Variants in FAM227B observed in about 807,000 individuals in gnomAD.
The protein encoded by FAM227B is protein FAM227B.
Under a neutral mutation model 73.8 loss-of-function variants are expected in FAM227B, and 88 were observed. The observed-to-expected ratio is 1.19, with a 90% CI of 1.00 to 1.42. FAM227B has a LOEUF of 1.42. FAM227B is among the 40% of genes most tolerant of loss of function. The pLI, the probability that FAM227B is intolerant of heterozygous loss-of-function variation, is 0.00. For missense variants in FAM227B, 632 were observed against 590.9 expected (o/e 1.07, Z -0.72); for synonymous variants, 210 against 190.5 (o/e 1.10, Z -0.84).
In FAM227B at chr15:49,328,280, C is replaced by T; in HGVS notation, c.*288G>A. ...TTATGATGAACGGTTGCTATTATAT[C>T]AAGATATATTTTCAAAGAAATGGTT... On this transcript the variant is annotated 3_prime_UTR_variant, in exon 16 of 16. Transcript: ENST00000299338. 3 of 1,442,056 alleles carry T rather than the reference C, an allele frequency of 2.1e-6. No homozygotes were observed. Among genetic ancestry groups the T allele is most frequent in the Non-Finnish European group, 2.7e-6 (3 of 1,098,800 alleles). 89.3% of individuals were successfully genotyped at this position (1,442,056 alleles called of 1,614,324 possible).
rs191759740 is a variant in FAM227B at position 49,369,208 on chromosome 15, C to T, written c.1111-1600G>A. ...TCCTGACCTCGAGATCCGCCCACCT[C>T]GGCCTCCCAAAGTGCTGGGATTACA... On this transcript the variant is annotated intron_variant, in intron 12 of 15. Transcript: ENST00000299338. Among the ~76,000 whole-genome samples, 65 of 152,208 alleles carry T rather than the reference C, an allele frequency of 4.3e-4. 3 individuals are homozygous for T. The East Asian group carries it at 0.012, about 29-fold the overall frequency.
rs117484677 is a variant in FAM227B, at chr15:49,592,214, G to A, written c.106-2207C>T. Among the ~76,000 whole-genome samples, 321 of 152,246 alleles carry A rather than the reference G, an allele frequency of 2.1e-3. 10 individuals carry two copies. In the East Asian group the frequency reaches 0.056, roughly 27 times the overall value. On this transcript the variant is annotated intron_variant, in intron 3 of 15. Transcript: ENST00000299338. ...TCTGTCCAGCTTTGTTCCATTGCTG[G>A]CAAGGGGCTGAGATCCTTTGGAGAA...
chr15:49,495,317 C>T (rs1023011099), intron 11 of FAM227B, among the ~76,000 whole-genome samples: 4 of 152,132 alleles, frequency 2.6e-5, no homozygotes, highest in Admixed American at 2.6e-4. Flanking sequence ...TACATATTCT[C>T]CAAATAATGA....
At chr15:49,527,220 A>C (rs1293210898) in intron 10 of FAM227B, among the ~76,000 whole-genome samples, 1 of 152,100 alleles carries the variant, frequency 6.6e-6, no homozygotes, top group Non-Finnish European at 1.5e-5. Flanking sequence ...CCAGGGATGT[A>C]AGGATGGCTC....
chr15:49,550,740 C>T (rs1421868207), intron 9 of FAM227B, among the ~76,000 whole-genome samples: 14 of 151,552 alleles, frequency 9.2e-5, no homozygotes, highest in East Asian at 3.9e-4. Context: ...CGGGAAGAGG[C>T]GCTCGTCACT....
chr15:49,377,640 G>T (rs996187602), intron 11 of FAM227B, among the ~76,000 whole-genome samples: 1 of 152,076 alleles, frequency 6.6e-6, no homozygotes, highest in African/African-American at 2.4e-5. Flanking sequence ...ATGCCTGTTT[G>T]CCATTTGTAC....
chr15:49,537,738 T>G (rs1048398966), intron 10 of FAM227B, among the ~76,000 whole-genome samples: 2 of 152,128 alleles, frequency 1.3e-5, no homozygotes, highest in African/African-American at 4.8e-5. Context: ...TTCAGCATTT[T>G]AAAAAAGGAG....
chr15:49,557,793 G>T (rs1175766156), intron 9 of FAM227B, among the ~76,000 whole-genome samples: 1 of 152,208 alleles, frequency 6.6e-6, no homozygotes, highest in Non-Finnish European at 1.5e-5. Flanking sequence ...AGATTGAGAT[G>T]GAGAGCCACC....
chr15:49,471,688 A>G (rs2151968079), intron 11 of FAM227B, among the ~76,000 whole-genome samples: 1 of 152,188 alleles, frequency 6.6e-6, no homozygotes, highest in Non-Finnish European at 1.5e-5. Context: ...GAGTGACAAC[A>G]GCATCTCATG....
chr15:49,357,957 C>T (rs1409560503), intron 13 of FAM227B, among the ~76,000 whole-genome samples: 1 of 151,868 alleles, frequency 6.6e-6, no homozygotes, highest in Non-Finnish European at 1.5e-5. Flanking sequence ...AAATGTAATC[C>T]AGCATATAAA....
At chr15:49,409,744 C>G (rs2048752290) in intron 11 of FAM227B, among the ~76,000 whole-genome samples, 2 of 152,022 alleles carry the variant, frequency 1.3e-5, no homozygotes, top group African/African-American at 4.8e-5. Flanking sequence ...ACTTCTTTCC[C>G]TGTTCTGGCA....
chr15:49,571,874 ATC>A, intron 8 of FAM227B, among the ~76,000 whole-genome samples: 1 of 152,016 alleles, frequency 6.6e-6, no homozygotes, highest in South Asian at 2.1e-4. Flanking sequence ...GTTTTCTTCT[ATC>A]TCTGTTTAAA....
intron 9 of FAM227B, among the ~76,000 whole-genome samples, chr15:49,543,302 A>T (rs2071345042): frequency 6.6e-6 from 1 of 152,006 alleles, no homozygotes; most frequent in Non-Finnish European, 1.5e-5. Flanking sequence ...CCATTTGTAT[A>T]TCTTCTTTTG....
At chr15:49,373,837 T>C (rs1367150753) in intron 11 of FAM227B, among the ~76,000 whole-genome samples, 1 of 151,714 alleles carries the variant, frequency 6.6e-6, no homozygotes, top group Non-Finnish European at 1.5e-5. Context: ...ATACAATAAT[T>C]GACTAAACTA....
chr15:49,544,439 C>G (rs1190151199), intron 9 of FAM227B, among the ~76,000 whole-genome samples: 1 of 152,094 alleles, frequency 6.6e-6, no homozygotes, highest in Non-Finnish European at 1.5e-5. Flanking sequence ...GGTATACAAT[C>G]ATATCATCAG....
At position 49,372,434 on chromosome 15, in the gene FAM227B, TA is replaced by T. The variant is rs573753386; in HGVS notation, c.1013-1036del. Reference sequence around the variant, plus strand: ...TACTAAGTAGTAGAAGGAGAGGACATAAATTGGGTCTTTTGCTTCTAAGTCC... The same window carrying T: ...TACTAAGTAGTAGAAGGAGAGGACATAATTGGGTCTTTTGCTTCTAAGTCC... On this transcript the variant is annotated intron_variant, in intron 11 of 15. Transcript: ENST00000299338. Among the ~76,000 whole-genome samples, 300 of 152,294 alleles carry T rather than the reference TA, an allele frequency of 2.0e-3. 2 individuals carry two copies. The highest frequency in any genetic ancestry group is 6.8e-3 in the African/African-American group (284 of 41,580).
At chr15:49,352,189 C>G (rs1436826552) in intron 13 of FAM227B, among the ~76,000 whole-genome samples, 4 of 152,176 alleles carry the variant, frequency 2.6e-5, no homozygotes, top group African/African-American at 9.7e-5. Context: ...CAAGAGCAAG[C>G]ATCCCAAAAG....
At chr15:49,436,738 C>T (rs537983041) in intron 11 of FAM227B, among the ~76,000 whole-genome samples, 1 of 151,610 alleles carries the variant, frequency 6.6e-6, no homozygotes, top group South Asian at 2.1e-4. Context: ...GATGTGAATG[C>T]AAGTAGGTTT....
chr15:49,418,815 C>T (rs2049395977), intron 11 of FAM227B, among the ~76,000 whole-genome samples: 1 of 151,916 alleles, frequency 6.6e-6, no homozygotes, highest in Non-Finnish European at 1.5e-5. Context: ...ATGTGTTGGA[C>T]CACAATTTCA....
Sources: allele counts gnomAD v4.1 joint callset (sites outside exome capture counted in the v4.1 genomes callset), GRCh38; gene constraint gnomAD v4.1.1; transcripts MANE v1.5; gene names NCBI Gene and HGNC (gene_info 2026-07-23, HGNC 2026-07-21).